Variants in AREL1 observed in about 807,000 individuals in gnomAD.
AREL1 encodes the protein apoptosis-resistant E3 ubiquitin protein ligase 1.
A neutral mutation model predicts 99.0 loss-of-function variants in AREL1; 62 were observed. The ratio of observed to expected loss-of-function variants is 0.63; its 90% CI spans 0.51 to 0.77. The LOEUF (loss-of-function observed/expected upper bound fraction) is 0.77, where lower values mean the gene tolerates loss of function less well. Among genes scored for constraint, AREL1 ranks in the 30% least tolerant of loss-of-function variants. The pLI, the probability that AREL1 is intolerant of heterozygous loss-of-function variation, is 0.00. For synonymous variants in AREL1, 380 were observed against 376.5 expected (o/e 1.01, Z -0.11); for missense variants, 879 against 1,027.6 (o/e 0.86, Z 1.98).
intron 1 of AREL1, 148 bp downstream of exon 1, chr14:74,712,785 A>G: frequency 2.8e-6 from 1 of 359,426 alleles, no homozygotes; most frequent in Non-Finnish European, 5.4e-6. Context: ...CGGATACCCC[A>G]ACGCTACAGG....
At chr14:74,686,968 A>G (rs771252406) in intron 2 of AREL1, among the ~76,000 whole-genome samples, 3 of 152,176 alleles carry the variant, frequency 2.0e-5, no homozygotes, top group African/African-American at 7.2e-5. Context: ...TTGGGACCCT[A>G]TGCTGAATTA....
intron 1 of AREL1, among the ~76,000 whole-genome samples, chr14:74,712,285 A>G (rs549706380): frequency 1.6e-4 from 24 of 152,136 alleles, no homozygotes; most frequent in Non-Finnish European, 2.9e-4. Context: ...TTTAAAGTTT[A>G]CAGACACCCA....
intron 11 of AREL1, chr14:74,672,133 C>T (rs543230644): frequency 3.2e-5 from 12 of 370,186 alleles, no homozygotes; most frequent in African/African-American, 2.5e-4. Flanking sequence ...TTTAATTCAA[C>T]AAGCGCTCTA....
chr14:74,674,216 T>C (rs972503751), intron 8 of AREL1, 105 bp from the exon 9 acceptor site: 29 of 901,032 alleles, frequency 3.2e-5, no homozygotes, highest in Non-Finnish European at 5.0e-5. Flanking sequence ...TCTCATAACC[T>C]TTCCTCTCCA....
chr14:74,711,375 T>C (rs2090283674), intron 1 of AREL1, among the ~76,000 whole-genome samples: 1 of 150,262 alleles, frequency 6.7e-6, no homozygotes, highest in South Asian at 2.1e-4. Context: ...CCCATCTCTA[T>C]TAAAAATACA....
chr14:74,710,097 C>CA (rs962279280), intron 1 of AREL1, among the ~76,000 whole-genome samples: 3 of 152,240 alleles, frequency 2.0e-5, no homozygotes, highest in African/African-American at 7.2e-5. Context: ...TCCCATCCAT[C>CA]ACAAATCAAC....
At chr14:74,665,485 GAC>G (rs1193553865) in intron 17 of AREL1, among the ~76,000 whole-genome samples, 1 of 152,086 alleles carries the variant, frequency 6.6e-6, no homozygotes, top group Non-Finnish European at 1.5e-5. Flanking sequence ...ACTGTTTCCT[GAC>G]AGTCTGCTCT....
chr14:74,675,356 A>G (rs1011384856), intron 8 of AREL1, among the ~76,000 whole-genome samples: 1 of 152,256 alleles, frequency 6.6e-6, no homozygotes, highest in Non-Finnish European at 1.5e-5. Flanking sequence ...TATTAAAAAG[A>G]AACTAACACA....
intron 5 of AREL1, among the ~76,000 whole-genome samples, chr14:74,676,963 A>AT (rs1190279604): frequency 1.2e-3 from 183 of 151,022 alleles, no homozygotes; most frequent in Middle Eastern, 0.01. Flanking sequence ...TGCCCAGAGA[A>AT]TTTTTTTTTG....
intron 17 of AREL1, among the ~76,000 whole-genome samples, chr14:74,665,352 A>G (rs1191252547): frequency 1.3e-5 from 2 of 148,736 alleles, no homozygotes; most frequent in African/African-American, 5.0e-5. Flanking sequence ...TGCTCAAGTG[A>G]TTCTCCTGCC....
At chr14:74,681,006 G>T (rs2089615224) in intron 5 of AREL1, among the ~76,000 whole-genome samples, 1 of 152,024 alleles carries the variant, frequency 6.6e-6, no homozygotes, top group African/African-American at 2.4e-5. Context: ...AACATAATGA[G>T]ACTGTCTCTA....
rs1392753412 is a variant in AREL1, at chr14:74,670,843, T to C, written c.1527A>G (p.Glu509=). The C allele has an allele frequency of 5.6e-6, 9 of 1,614,092 alleles. No individual in the cohort carries two copies. Among genetic ancestry groups the C allele is most frequent in the Non-Finnish European group, 7.6e-6 (9 of 1,179,982 alleles). The part of the protein sequence containing the change: ...EALDWGGPRR[E]WFELICKALF... Reference sequence around the variant, plus strand: ...GTGCTTTGCAGATTAGCTCAAACCATTCCCGGCGAGGCCCTCCCCAGTCCA... The same window carrying C: ...GTGCTTTGCAGATTAGCTCAAACCACTCCCGGCGAGGCCCTCCCCAGTCCA... The change falls in exon 13 of 20, where the codon GAA becomes GAG. Residue 509 remains glutamate (E), a synonymous_variant. Transcript: ENST00000356357.
At chr14:74,668,237 T>C (rs2089251861) in intron 15 of AREL1, among the ~76,000 whole-genome samples, 1 of 152,158 alleles carries the variant, frequency 6.6e-6, no homozygotes, top group Non-Finnish European at 1.5e-5. Flanking sequence ...AGAATTGGTA[T>C]CCCCCAATAA....
intron 1 of AREL1, among the ~76,000 whole-genome samples, chr14:74,708,179 T>C (rs1368577999): frequency 6.6e-6 from 1 of 152,184 alleles, no homozygotes; most frequent in African/African-American, 2.4e-5. Context: ...GTGAAAGGTA[T>C]ACAGGAATAC....
At chr14:74,699,292 T>C (rs1232437209) in intron 1 of AREL1, among the ~76,000 whole-genome samples, 1 of 152,026 alleles carries the variant, frequency 6.6e-6, no homozygotes, top group Non-Finnish European at 1.5e-5. Flanking sequence ...CCCAAAGATG[T>C]GCACTTCAAA....
chr14:74,674,180 C>A (rs890168805), intron 8 of AREL1, 69 bp from the exon 9 acceptor site: 123 of 1,279,128 alleles, frequency 9.6e-5, no homozygotes, highest in Non-Finnish European at 1.3e-4. Context: ...TATTCTAATT[C>A]AAATATCATA....
intron 5 of AREL1, among the ~76,000 whole-genome samples, chr14:74,682,658 G>C (rs372158022): frequency 6.6e-6 from 1 of 152,212 alleles, no homozygotes. Flanking sequence ...GGCCTGGTGG[G>C]AGGTGATGGG....
In AREL1 at chr14:74,670,140, A is replaced by G. The variant is rs760029346; in HGVS notation, c.1609-14T>C. The G allele has an allele frequency of 4.4e-5, 69 of 1,577,072 alleles. No homozygotes were observed. Among genetic ancestry groups the G allele is most frequent in the Non-Finnish European group, 5.7e-5 (66 of 1,159,314 alleles). ...GTTGGGATGCACCTGTCCAAGAAAG[A>G]GACTGAAAGGCCCTGGGCCATTTTT... On this transcript the variant is annotated splice_polypyrimidine_tract_variant and intron_variant, in intron 13 of 19. Transcript: ENST00000356357.
chr14:74,711,391 T>G lies in AREL1; in HGVS notation c.-334+1542A>C, dbSNP rs760380035. Among the ~76,000 whole-genome samples the G allele has an allele frequency of 2.0e-4, 30 of 146,476 alleles. 1 individual carries two copies. Among genetic ancestry groups the G allele is most frequent in the Non-Finnish European group, 3.1e-4 (21 of 66,926 alleles). ...CCATCTCTATTAAAAATACAAAAAT[T>G]AGCAAGGTATGGTGGCACACACATG... On this transcript the variant is annotated intron_variant, in intron 1 of 19. Transcript: ENST00000356357.
Sources: gnomAD v4.1 joint callset for allele counts (sites outside exome capture counted in the v4.1 genomes callset) on GRCh38, gnomAD v4.1.1 for gene constraint, MANE v1.5 for transcripts, NCBI Gene and HGNC (gene_info 2026-07-23, HGNC 2026-07-21) for gene names.